NCOR1: variants seen among roughly 807,000 people sequenced by gnomAD.
NCOR1 encodes the protein protein phosphatase 1, regulatory subunit 109.
A neutral mutation model predicts 288.1 loss-of-function variants in NCOR1; 63 were observed. That is an observed-to-expected ratio of 0.22 (90% CI 0.18 to 0.27). The LOEUF (loss-of-function observed/expected upper bound fraction) is 0.27, where lower values mean the gene tolerates loss of function less well. Among genes scored for constraint, NCOR1 ranks in the 10% least tolerant of loss-of-function variants. The pLI is 1.00. For missense variants in NCOR1, 2,397 were observed against 3,019.2 expected (o/e 0.79, Z 4.83); for synonymous variants, 1,007 against 1,065.9 (o/e 0.94, Z 1.08).
intron 23 of NCOR1, among the ~76,000 whole-genome samples, chr17:16,082,262 T>C (rs926589288): frequency 6.6e-6 from 1 of 152,038 alleles, no homozygotes; most frequent in African/African-American, 2.4e-5. Context: ...GTCCAGTTTT[T>C]GACCAAAAAT....
intron 22 of NCOR1, among the ~76,000 whole-genome samples, chr17:16,091,120 C>T (rs1460223677): frequency 4.6e-5 from 7 of 152,154 alleles, no homozygotes; most frequent in East Asian, 1.9e-4. Context: ...AAAACAGCAA[C>T]GGACCAACTC....
intron 26 of NCOR1, among the ~76,000 whole-genome samples, chr17:16,077,429 AAAGGAAAGGT>A (rs1169406436): frequency 7.1e-6 from 1 of 141,012 alleles, no homozygotes; most frequent in Non-Finnish European, 1.5e-5. Context: ...AAAAGGAAGG[AAAGGAAAGGT>A]AAGGAAAGGG....
At chr17:16,126,281 C>A in intron 14 of NCOR1, 75 bp from the exon 15 acceptor site, 1 of 1,385,714 alleles carries the variant, frequency 7.2e-7, no homozygotes, top group South Asian at 1.8e-5. Context: ...TAAATTATGT[C>A]TATCTAAAAA....
intron 26 of NCOR1, among the ~76,000 whole-genome samples, chr17:16,078,607 A>T (rs997360892): frequency 1.3e-5 from 2 of 150,940 alleles, no homozygotes; most frequent in Admixed American, 6.6e-5. Context: ...ACGGAGTCTC[A>T]CTCTGCCACC....
intron 2 of NCOR1, among the ~76,000 whole-genome samples, chr17:16,192,408 C>T (rs973749248): frequency 6.6e-6 from 1 of 152,152 alleles, no homozygotes; most frequent in Non-Finnish European, 1.5e-5. Context: ...GTAATCCCAG[C>T]GCTTTGGAAG....
Position 16,056,145 on chromosome 17 carries a change from T to C in NCOR1, c.6392+1369A>G, listed in dbSNP as rs1042354992. 3.3e-5 allele frequency among the ~76,000 whole-genome samples: 5 copies of C among 152,070 alleles called. No homozygotes were observed. The East Asian group carries it at 9.6e-4, about 29-fold the overall frequency. ...TCTGCTCTTTGCTCACTTTGATGGG[T>C]TGGTAGGTAGGCTGGAGAATCACTT... On this transcript the variant is annotated intron_variant, in intron 40 of 45. Transcript: ENST00000268712.
At chr17:16,149,089 A>C (rs1016649405) in intron 9 of NCOR1, among the ~76,000 whole-genome samples, 1 of 152,110 alleles carries the variant, frequency 6.6e-6, no homozygotes, top group African/African-American at 2.4e-5. Flanking sequence ...AAGAAAGAAT[A>C]GTAATGTCTC....
intron 26 of NCOR1, among the ~76,000 whole-genome samples, chr17:16,077,601 G>C (rs1157016522): frequency 2.5e-5 from 3 of 120,410 alleles, no homozygotes; most frequent in African/African-American, 9.4e-5. Flanking sequence ...AGAAGGGAGG[G>C]AAAAGAAAAG....
At chr17:16,204,671 G>A (rs188359993) in intron 1 of NCOR1, among the ~76,000 whole-genome samples, 1 of 152,302 alleles carries the variant, frequency 6.6e-6, no homozygotes, top group Admixed American at 6.5e-5. Context: ...AAAGTCTTAA[G>A]TAGAGCACAA....
chr17:16,041,452 C>A, intron 42 of NCOR1, among the ~76,000 whole-genome samples: 1 of 81,908 alleles, frequency 1.2e-5, no homozygotes, highest in Admixed American at 1.4e-4. Flanking sequence ...TTATTCTTGT[C>A]ACCCAGGCTG....
intron 40 of NCOR1, among the ~76,000 whole-genome samples, chr17:16,054,388 A>G (rs762619673): frequency 2.0e-5 from 3 of 152,202 alleles, no homozygotes; most frequent in Non-Finnish European, 1.5e-5. Flanking sequence ...AGAGCGGGTA[A>G]AGCGAGTGTG....
intron 3 of NCOR1, among the ~76,000 whole-genome samples, chr17:16,178,753 A>T (rs1284438610): frequency 6.6e-6 from 1 of 151,962 alleles, no homozygotes; most frequent in East Asian, 1.9e-4. Flanking sequence ...CATTTTTTAG[A>T]TATTAGGGGA....
At position 16,034,927 on chromosome 17, in the gene NCOR1, T is replaced by A; in HGVS notation, c.6973A>T (p.Lys2325Ter). ...CTGCTGTTTGACTTGCTGATCAGCT[T>A]TGGTTTGCAAACTCCTCCTGAAAGT... ...SPHSGGVCKP[K>*]LISKSNSRKS... Residue 2325 changes from lysine (K) to a stop codon, truncating the protein, a stop_gained, in exon 45 of 46, where the codon AAG (lysine) becomes TAG (stop). Coordinates refer to ENST00000268712, the MANE Select transcript of NCOR1 (RefSeq NM_006311.4). LOFTEE classifies it high-confidence loss of function. The A allele has an allele frequency of 6.2e-7, 1 of 1,614,050 alleles. No homozygotes were observed. Among genetic ancestry groups the A allele is most frequent in the Non-Finnish European group, 8.5e-7 (1 of 1,179,978 alleles).
intron 5 of NCOR1, among the ~76,000 whole-genome samples, chr17:16,163,702 G>GA (rs2081370932): frequency 6.6e-6 from 1 of 152,068 alleles, no homozygotes; most frequent in Admixed American, 6.5e-5. Context: ...ACGAGTACAT[G>GA]AATCTCATCA....
chr17:16,145,728 T>C (rs9908591), intron 10 of NCOR1, among the ~76,000 whole-genome samples: 80,602 of 151,662 alleles, frequency 0.53, 21,764 homozygotes, highest in Middle Eastern at 0.61. Context: ...GGGCAGCCCC[T>C]GCCCAGTCAG....
chr17:16,145,180 C>T (rs372727390), intron 10 of NCOR1, among the ~76,000 whole-genome samples: 6 of 152,236 alleles, frequency 3.9e-5, no homozygotes, highest in Non-Finnish European at 7.3e-5. Flanking sequence ...GGATTGCAGA[C>T]GGAGTCTCGC....
intron 42 of NCOR1, chr17:16,044,850 TG>T: frequency 1.1e-6 from 1 of 925,550 alleles, no homozygotes; most frequent in South Asian, 1.3e-5. Flanking sequence ...GCTGCACCAG[TG>T]GGATCCTGCC....
At chr17:16,189,460 A>T (rs929187956) in intron 2 of NCOR1, among the ~76,000 whole-genome samples, 1 of 152,204 alleles carries the variant, frequency 6.6e-6, no homozygotes, top group Non-Finnish European at 1.5e-5. Flanking sequence ...AAGGTAAACA[A>T]TAGTTGAACA....
chr17:16,086,202 A>T lies in NCOR1; in HGVS notation c.3177+80T>A, dbSNP rs988828585. On this transcript the variant is annotated intron_variant, in intron 23 of 45. Coordinates refer to ENST00000268712, the MANE Select transcript of NCOR1 (RefSeq NM_006311.4). The stretch of plus-strand genomic sequence containing the variant: ...GATTATTATTTATTACAACTCTGAC[A>T]AATCAGTGCGAGGAGGGAGGACAAG... The T allele has an allele frequency of 6.1e-5, 85 of 1,392,284 alleles. No homozygotes were observed. In the East Asian group the frequency reaches 1.9e-3, roughly 32 times the overall value. The allele number at this position is 1,392,284 out of a possible 1,614,324, so 86.2% of individuals were successfully genotyped here.
Sources: gnomAD v4.1 joint callset for allele counts (sites outside exome capture counted in the v4.1 genomes callset) on GRCh38, gnomAD v4.1.1 for gene constraint, MANE v1.5 for transcripts, NCBI Gene and HGNC (gene_info 2026-07-23, HGNC 2026-07-21) for gene names.